TNIP1: variants seen among roughly 807,000 people sequenced by gnomAD.
The protein encoded by TNIP1 is TNFAIP3 interacting protein 1, also known as TNFAIP3-interacting protein 1.
Under a neutral mutation model 86.6 loss-of-function variants are expected in TNIP1, and 22 were observed. The observed-to-expected ratio is 0.25, with a 90% CI of 0.18 to 0.36. TNIP1 has a LOEUF of 0.36. Among genes scored for constraint, TNIP1 ranks in the 10% least tolerant of loss-of-function variants. The pLI is 1.00. For synonymous variants in TNIP1, 294 were observed against 313.0 expected (o/e 0.94, Z 0.64); for missense variants, 709 against 820.6 (o/e 0.86, Z 1.66).
At chr5:151,082,320 T>C (rs1561552637), upstream of TNIP1, among the ~76,000 whole-genome samples, 1 of 152,226 alleles carries the variant, frequency 6.6e-6, no homozygotes, top group Non-Finnish European at 1.5e-5. Context: ...ATTACACTTA[T>C]GCCTTGATTC....
intron 12 of TNIP1, among the ~76,000 whole-genome samples, chr5:151,037,666 C>G (rs1757888655): frequency 6.6e-6 from 1 of 152,224 alleles, no homozygotes; most frequent in Non-Finnish European, 1.5e-5. Context: ...TCCCCTTTAA[C>G]TCTGTTAACA....
intron 5 of TNIP1, among the ~76,000 whole-genome samples, 188 bp downstream of exon 5, chr5:151,060,130 G>A (rs1002485866): frequency 3.3e-5 from 5 of 152,182 alleles, no homozygotes; most frequent in African/African-American, 1.2e-4. Context: ...CCAAGTCGGG[G>A]AAGTCACTAG....
At chr5:151,040,649 T>A (rs908294882) in intron 11 of TNIP1, among the ~76,000 whole-genome samples, 4 of 152,084 alleles carry the variant, frequency 2.6e-5, no homozygotes, top group Non-Finnish European at 4.4e-5. Flanking sequence ...AGTCACCAGG[T>A]ATGACTGTGC....
chr5:151,035,110 G>C, intron 14 of TNIP1, 43 bp from the exon 15 acceptor site: 1 of 1,598,286 alleles, frequency 6.3e-7, no homozygotes, highest in Middle Eastern at 1.7e-4. Flanking sequence ...GGCACAGGTG[G>C]TTTCTGGCCA....
At chr5:151,045,182 C>G (rs1758985605) in intron 9 of TNIP1, among the ~76,000 whole-genome samples, 1 of 152,140 alleles carries the variant, frequency 6.6e-6, no homozygotes, top group Non-Finnish European at 1.5e-5. Flanking sequence ...ACCTCAGCCT[C>G]CCGGGTTCAA....
At chr5:151,041,971 A>C (rs1581759400) in intron 11 of TNIP1, among the ~76,000 whole-genome samples, 19 of 128,260 alleles carry the variant, frequency 1.5e-4, no homozygotes, top group East Asian at 4.6e-4. Context: ...CAAGAGTTTC[A>C]CTCTTGTTCC....
At chr5:151,052,368 T>G in intron 6 of TNIP1, 109 bp from the exon 7 acceptor site, 1 of 872,346 alleles carries the variant, frequency 1.1e-6, no homozygotes, top group South Asian at 1.5e-5. Flanking sequence ...GCCCAACTCC[T>G]TATCCCCTTT....
intron 15 of TNIP1, among the ~76,000 whole-genome samples, chr5:151,034,197 A>C (rs951164810): frequency 1.3e-5 from 2 of 149,546 alleles, no homozygotes; most frequent in African/African-American, 5.0e-5. Flanking sequence ...AAGCTGGTAC[A>C]TGGGCATGGA....
chr5:151,062,211 T>C lies in TNIP1; in HGVS notation c.273A>G (p.Gly91=), dbSNP rs759743740. The C allele has an allele frequency of 6.2e-7, 1 of 1,613,788 alleles. No homozygotes were observed. Among genetic ancestry groups the C allele is most frequent in the Non-Finnish European group, 8.5e-7 (1 of 1,179,926 alleles). ...GAGATGCTGTGACATTTGAGTCCTT[T>C]CCTGGAGAATCAAGAAAGCACAGAT... The part of the protein sequence containing the change: ...GSFDPLAELT[G]KDSNVTASPT... The change falls in exon 4 of 18, where the codon GGA becomes GGG. Residue 91 remains glycine, a splice_region_variant and synonymous_variant. Transcript: ENST00000521591.
chr5:151,073,934 A>G (rs1238309320), intron 1 of TNIP1, among the ~76,000 whole-genome samples: 2 of 152,178 alleles, frequency 1.3e-5, no homozygotes, highest in African/African-American at 2.4e-5. Flanking sequence ...AAAAAGTCTC[A>G]AAGGATACAT....
rs546893580 is a variant in TNIP1, at chr5:151,060,896, C to T, written c.358-501G>A. ...TCTCTTAGGCCCAGACGTCTCTGAT[C>T]GGTTTCCCAGAACACAGATGGCAGC... On this transcript the variant is annotated intron_variant, in intron 4 of 17. Coordinates refer to ENST00000521591, the MANE Select transcript of TNIP1 (RefSeq NM_006058.5). Among the ~76,000 whole-genome samples the T allele has an allele frequency of 1.3e-4, 20 of 152,356 alleles. No individual in the cohort carries two copies. The East Asian group carries it at 3.5e-3, about 26-fold the overall frequency.
At chr5:151,037,440 C>G (rs1283726464) in intron 12 of TNIP1, 1 of 152,366 alleles carries the variant, frequency 6.6e-6, no homozygotes, top group Non-Finnish European at 1.5e-5. Flanking sequence ...CATTCCCATC[C>G]AAACCACCCC....
chr5:151,087,366 G>A (rs1451558325), upstream of TNIP1, among the ~76,000 whole-genome samples: 1 of 152,220 alleles, frequency 6.6e-6, no homozygotes, highest in East Asian at 1.9e-4. Context: ...CAGGGAGTTG[G>A]GGTTGGGGGG....
At chr5:151,077,724 T>C (rs1763547595) in intron 1 of TNIP1, among the ~76,000 whole-genome samples, 1 of 152,218 alleles carries the variant, frequency 6.6e-6, no homozygotes, top group Non-Finnish European at 1.5e-5. Context: ...CCCAGCAATC[T>C]GTGTTTAACA....
In TNIP1 at chr5:151,032,368, G is replaced by A. The variant is rs200535932; in HGVS notation, c.1795C>T (p.Arg599Cys). 3.2e-5 allele frequency: 52 copies of A among 1,613,962 alleles called. No individual in the cohort carries two copies. The highest frequency in any genetic ancestry group is 2.0e-4 in the East Asian group (9 of 44,906). Residue 599 changes from arginine (R) to cysteine (C), a missense_variant, in exon 17 of 18, where the codon CGT (arginine) becomes TGT (cysteine). Arg to Cys is a radical substitution (Grantham distance 180). Coordinates refer to ENST00000521591, the MANE Select transcript of TNIP1 (RefSeq NM_006058.5). ...RLFHLPEYTW[R>C]LPCGGVRNPN... ...TTTCGAACCCCTCCACAGGGTAGAC[G>A]CCAGGTGTATTCCGGCTGCGACAAA...
At chr5:151,047,384 G>C (rs1759312271) in intron 8 of TNIP1, among the ~76,000 whole-genome samples, 1 of 152,142 alleles carries the variant, frequency 6.6e-6, no homozygotes, top group East Asian at 1.9e-4. Flanking sequence ...AAAGTTTCAA[G>C]GTCATGAAAA....
At chr5:151,059,412 C>T (rs1179537040) in intron 5 of TNIP1, among the ~76,000 whole-genome samples, 1 of 152,178 alleles carries the variant, frequency 6.6e-6, no homozygotes, top group Non-Finnish European at 1.5e-5. Flanking sequence ...AGCCAGACAG[C>T]CACCTGAGGG....
chr5:151,039,029 G>T, intron 12 of TNIP1, 68 bp downstream of exon 12: 4 of 1,560,116 alleles, frequency 2.6e-6, no homozygotes, highest in Non-Finnish European at 1.7e-6. Context: ...GGGGGTGCCA[G>T]TGATGGGGTG....
At chr5:151,054,527 C>T (rs1236763360) in intron 6 of TNIP1, among the ~76,000 whole-genome samples, 1 of 151,944 alleles carries the variant, frequency 6.6e-6, no homozygotes. Context: ...CTAAAAATAC[C>T]AAAAAATTGG....
Sources: allele counts gnomAD v4.1 joint callset (sites outside exome capture counted in the v4.1 genomes callset), GRCh38; gene constraint gnomAD v4.1.1; transcripts MANE v1.5; gene names NCBI Gene and HGNC (gene_info 2026-07-23, HGNC 2026-07-21).